PTCHD1: variants seen among roughly 807,000 people sequenced by gnomAD.
PTCHD1 encodes the protein patched domain-containing protein 1.
PTCHD1 carries 3 observed loss-of-function variants against 34.6 expected under a neutral mutation model. That is an observed-to-expected ratio of 0.09 (90% CI 0.04 to 0.22). The LOEUF (loss-of-function observed/expected upper bound fraction) is 0.22. Ranked by LOEUF, PTCHD1 falls within the 10% of genes least tolerant of loss-of-function variation. The pLI is 1.00. For missense variants in PTCHD1, 504 were observed against 685.5 expected, an observed-to-expected ratio of 0.74 and a Z score of 2.96; for synonymous variants, 305 against 283.1, an observed-to-expected ratio of 1.08 and a Z score of -0.77.
At position 23,334,855 on chromosome X, in the gene PTCHD1, C is replaced by T; in HGVS notation, c.-21C>T. On this transcript the variant is annotated 5_prime_UTR_variant, in exon 1 of 3. Transcript: ENST00000379361. ...GCCGAGCGTGCGCCTCGCCCTCCTC[C>T]CGCGCCCGCTCTGCTCTAGGATGCT... The T allele has an allele frequency of 6.2e-6, 7 of 1,124,823 alleles. No homozygotes were observed. The highest frequency in any genetic ancestry group is 8.3e-6 in the Non-Finnish European group (7 of 845,276). The allele number at this position is 1,124,823 out of a possible 1,213,427, so 92.7% of individuals were successfully genotyped here.
intron 2 of PTCHD1, 103 bp downstream of exon 2, chrX:23,380,354 G>T (rs1285534209): frequency 3.8e-5 from 31 of 820,387 alleles, no homozygotes; most frequent in Non-Finnish European, 5.4e-5. Context: ...TCATTTAACA[G>T]TATCTTCATT....
intron 2 of PTCHD1, among the ~76,000 whole-genome samples, chrX:23,383,023 G>A (rs187246162): frequency 4.0e-4 from 45 of 112,014 alleles, no homozygotes; most frequent in Admixed American, 3.5e-3. Context: ...CAAGGCCATC[G>A]TTTAATTCTG....
Position 23,398,276 on chromosome X carries a change from T to C in PTCHD1, c.*4091T>C, listed in dbSNP as rs1268960805. The C allele has an allele frequency of 9.0e-6, 1 of 111,669 alleles. No individual in the cohort carries two copies. Among genetic ancestry groups the C allele is most frequent in the African/African-American group, 3.3e-5 (1 of 30,720 alleles). The allele number at this position is 111,669 out of a possible 1,213,427, so 9.2% of individuals were successfully genotyped here. On this transcript the variant is annotated 3_prime_UTR_variant, in exon 3 of 3. Transcript: ENST00000379361. Reference sequence around the variant, plus strand: ...CTCGGGATGTAAAGCTACTGAGAAGTAGATTTGAGCCTGAGAATTAGGGCT... The same window carrying C: ...CTCGGGATGTAAAGCTACTGAGAAGCAGATTTGAGCCTGAGAATTAGGGCT...
At chrX:23,349,878 T>C (rs1391883967) in intron 1 of PTCHD1, among the ~76,000 whole-genome samples, 1 of 108,859 alleles carries the variant, frequency 9.2e-6, no homozygotes, top group African/African-American at 3.3e-5. Context: ...TACAGAAGTG[T>C]AGGGGTTAAA....
chrX:23,393,073 T>A lies in PTCHD1; in HGVS notation c.1555T>A (p.Tyr519Asn), dbSNP rs774951892. The A allele has an allele frequency of 1.2e-5, 15 of 1,210,216 alleles. No homozygotes were observed. The highest frequency in any genetic ancestry group is 1.7e-5 in the Non-Finnish European group (15 of 894,983). ...LIYISFALMGYLQVSEGSDLS... is the reference protein window; with the variant it reads ...LIYISFALMGNLQVSEGSDLS... ...TTATATTTCCTTTGCCTTAATGGGC[T>A]ATCTGCAGGTCAGTGAAGGGTCAGA... Residue 519 changes from tyrosine to asparagine, a missense_variant, in exon 3 of 3, where the codon TAT (tyrosine) becomes AAT (asparagine). By Grantham distance (143) the Tyr-to-Asn change is moderately radical (BLOSUM62 -2). Coordinates refer to ENST00000379361, the MANE Select transcript of PTCHD1 (RefSeq NM_173495.3).
chrX:23,370,175 T>C (rs1922239605), intron 1 of PTCHD1, among the ~76,000 whole-genome samples: 1 of 111,928 alleles, frequency 8.9e-6, no homozygotes, highest in Non-Finnish European at 1.9e-5. Context: ...GTACTATTAT[T>C]GGCCCCATTT....
chrX:23,350,428 C>A (rs929818474), intron 1 of PTCHD1, among the ~76,000 whole-genome samples: 7 of 111,392 alleles, frequency 6.3e-5, no homozygotes, highest in African/African-American at 2.3e-4. Context: ...AGAAGTTTCC[C>A]AGCTGGGTGA....
intron 1 of PTCHD1, among the ~76,000 whole-genome samples, chrX:23,351,865 T>A (rs765064316): frequency 8.9e-6 from 1 of 112,158 alleles, no homozygotes; most frequent in Non-Finnish European, 1.9e-5. Flanking sequence ...AATCACTCTT[T>A]GAGGTATAGT....
intron 1 of PTCHD1, among the ~76,000 whole-genome samples, chrX:23,377,086 C>T (rs972794359): frequency 6.2e-5 from 7 of 112,027 alleles, no homozygotes; most frequent in Non-Finnish European, 1.3e-4. Flanking sequence ...AGGGCATGGC[C>T]GTCATAGAGA....
In PTCHD1 at chrX:23,396,728, G is replaced by T. The variant is rs1378576092; in HGVS notation, c.*2543G>T. 1 of 112,134 alleles carries T rather than the reference G, an allele frequency of 8.9e-6. No homozygotes were observed. Among genetic ancestry groups the T allele is most frequent in the African/African-American group, 3.3e-5 (1 of 30,739 alleles). 9.2% of individuals were successfully genotyped at this position (112,134 alleles called of 1,213,427 possible). On this transcript the variant is annotated 3_prime_UTR_variant, in exon 3 of 3. Transcript: ENST00000379361. ...TTTAATGAAGGGCATTTTCAAACTT[G>T]TCAACTTCTCTTTTCAGCACTTGAA...
Position 23,342,301 on chromosome X carries a change from TATATATA to T in PTCHD1, c.351+7076_351+7082del, listed in dbSNP as rs1413907772. 8.5e-3 allele frequency among the ~76,000 whole-genome samples: 129 copies of T among 15,217 alleles called. 2 individuals are homozygous for T. Among genetic ancestry groups the T allele is most frequent in the Admixed American group, 0.014 (17 of 1,207 alleles). The allele number at this position is 15,217 out of a possible 115,157, so 13.2% of individuals were successfully genotyped here. A position where few individuals can be genotyped will look rare whatever the true frequency, so the allele number is the denominator to read the frequency against. The stretch of plus-strand genomic sequence containing the variant: ...ATATATATATATATATATATATATA[TATATATA>T]TATTTTTTTTTTTTTTTTTTTTTTA... On this transcript the variant is annotated intron_variant, in intron 1 of 2. Coordinates refer to ENST00000379361, the MANE Select transcript of PTCHD1 (RefSeq NM_173495.3).
chrX:23,339,889 C>T (rs927002142), intron 1 of PTCHD1, among the ~76,000 whole-genome samples: 1 of 112,506 alleles, frequency 8.9e-6, no homozygotes, highest in Admixed American at 9.4e-5. Flanking sequence ...ATGTTGTATT[C>T]TAAAATGTCA....
chrX:23,392,011 T>C (rs898100283), intron 2 of PTCHD1, among the ~76,000 whole-genome samples: 24 of 109,001 alleles, frequency 2.2e-4, no homozygotes, highest in African/African-American at 7.4e-4. Context: ...TATGAGCCAC[T>C]ATTCCTGGCT....
chrX:23,392,859 T>A lies in PTCHD1; in HGVS notation c.1341T>A (p.Pro447=). ...TCTTCTGTAGAAAAGTCCCAAAGCCTGAGGCATTGCAGGAGAAGCCGGCAT... is the reference window on the plus strand; with the variant it reads ...TCTTCTGTAGAAAAGTCCCAAAGCCAGAGGCATTGCAGGAGAAGCCGGCAT... ...HSIFCRKVPK[P]EALQEKPAWY... The change falls in exon 3 of 3, where the codon CCT becomes CCA. Residue 447 remains proline (P), a synonymous_variant. Transcript: ENST00000379361. The A allele has an allele frequency of 8.3e-7, 1 of 1,211,750 alleles. No homozygotes were observed.
Position 23,396,130 on chromosome X carries a change from T to C in PTCHD1, c.*1945T>C, listed in dbSNP as rs1386551443. 1 of 112,488 alleles carries C rather than the reference T, an allele frequency of 8.9e-6. No individual in the cohort carries two copies. Among genetic ancestry groups the C allele is most frequent in the Non-Finnish European group, 1.9e-5 (1 of 53,258 alleles). 9.3% of individuals were successfully genotyped at this position (112,488 alleles called of 1,213,427 possible). ...TTTCCAAAAGGCCAAATAATTCAGA[T>C]GTAACCACACCAAGTGCAAACCTGT... On this transcript the variant is annotated 3_prime_UTR_variant, in exon 3 of 3. Transcript: ENST00000379361.
At chrX:23,353,905 T>C (rs1317137) in intron 1 of PTCHD1, among the ~76,000 whole-genome samples, 16,329 of 111,370 alleles carry the variant, frequency 0.15, 985 homozygotes, top group South Asian at 0.22. Context: ...AGAGGATGGA[T>C]TTGAGAGATT....
chrX:23,360,193 C>A (rs916431324), intron 1 of PTCHD1, among the ~76,000 whole-genome samples: 6 of 111,780 alleles, frequency 5.4e-5, no homozygotes, highest in African/African-American at 2.0e-4. Flanking sequence ...CCCTCTTTTT[C>A]ATTGACTGGA....
In PTCHD1 at chrX:23,377,575, GGTGTGTGT is replaced by G. The variant is rs748957859; in HGVS notation, c.352-1979_352-1972del. On this transcript the variant is annotated intron_variant, in intron 1 of 2. Transcript: ENST00000379361. ...TAGGCTGTGAAAATAGCCTCCTAGG[GGTGTGTGT>G]GTGTGTGTGTGTGTGTGTGTGTGTG... Among the ~76,000 whole-genome samples the G allele has an allele frequency of 8.0e-3, 728 of 90,511 alleles. 5 individuals carry two copies. Among genetic ancestry groups the G allele is most frequent in the African/African-American group, 0.024 (568 of 24,090 alleles). The allele number at this position is 90,511 out of a possible 115,157, so 78.6% of individuals were successfully genotyped here.
At chrX:23,384,391 C>G (rs1413668483) in intron 2 of PTCHD1, among the ~76,000 whole-genome samples, 3 of 112,052 alleles carry the variant, frequency 2.7e-5, no homozygotes, top group Non-Finnish European at 5.6e-5. Context: ...CCAGGCCACT[C>G]AGATTCAAGG....
Sources: allele counts gnomAD v4.1 joint callset (sites outside exome capture counted in the v4.1 genomes callset), GRCh38; gene constraint gnomAD v4.1.1; transcripts MANE v1.5; gene names NCBI Gene and HGNC (gene_info 2026-07-23, HGNC 2026-07-21).